PRIM2: variants seen among roughly 807,000 people sequenced by gnomAD.
PRIM2 encodes DNA primase large subunit.
In PRIM2, 39 loss-of-function variants were observed where a neutral mutation model predicts 67.3. That is an observed-to-expected ratio of 0.58 (90% confidence interval 0.45 to 0.76). The LOEUF is 0.76. Ranked by LOEUF, PRIM2 falls within the 30% of genes least tolerant of loss-of-function variation. The pLI is 0.00. For synonymous variants in PRIM2, 143 were observed against 198.7 expected (o/e 0.72, Z 2.36); for missense variants, 398 against 598.7 (o/e 0.66, Z 3.50).
chr6:57,310,642 C>T (rs1248331451), upstream of PRIM2, among the ~76,000 whole-genome samples: 1 of 151,654 alleles, frequency 6.6e-6, no homozygotes, highest in Admixed American at 6.6e-5. Context: ...GGGGTGGCGG[C>T]CGGGCAGAGG....
intron 10 of PRIM2, among the ~76,000 whole-genome samples, chr6:57,573,584 G>A: frequency 6.6e-6 from 1 of 152,004 alleles, no homozygotes; most frequent in Non-Finnish European, 1.5e-5. Flanking sequence ...ATAGCAGTAT[G>A]GTAATTTAAA....
intron 7 of PRIM2, among the ~76,000 whole-genome samples, chr6:57,394,932 T>A (rs1770472468): frequency 6.6e-6 from 1 of 152,204 alleles, no homozygotes; most frequent in African/African-American, 2.4e-5. Flanking sequence ...TGTGATTTTT[T>A]GTTTTTAATT....
chr6:57,502,681 C>G (rs1554346981), intron 7 of PRIM2, among the ~76,000 whole-genome samples: 2 of 152,106 alleles, frequency 1.3e-5, no homozygotes, highest in African/African-American at 2.4e-5. Flanking sequence ...TTCTGGCTTC[C>G]GGGCAGAGGC....
At chr6:57,583,713 A>G (rs1398167535) in intron 10 of PRIM2, among the ~76,000 whole-genome samples, 4 of 152,236 alleles carry the variant, frequency 2.6e-5, no homozygotes, top group African/African-American at 4.8e-5. Flanking sequence ...GCTGGGTCAA[A>G]TGGTATTTCT....
chr6:57,223,227 A>T, the PRIM2 span, among the ~76,000 whole-genome samples: 1 of 152,172 alleles, frequency 6.6e-6, no homozygotes, highest in Non-Finnish European at 1.5e-5. Flanking sequence ...ATTTCTATAA[A>T]CTACAAAAAC....
intron 7 of PRIM2, among the ~76,000 whole-genome samples, chr6:57,459,959 A>T (rs1163493801): frequency 1.2e-4 from 18 of 152,284 alleles, no homozygotes; most frequent in African/African-American, 4.3e-4. Context: ...GCAGCAGAAG[A>T]GGGTGTGAGG....
At chr6:57,542,635 A>G (rs1292752224) in intron 10 of PRIM2, among the ~76,000 whole-genome samples, 1 of 152,098 alleles carries the variant, frequency 6.6e-6, no homozygotes, top group Non-Finnish European at 1.5e-5. Flanking sequence ...GATAACATAT[A>G]GTCTATATTT....
chr6:57,245,724 A>T, the PRIM2 span, among the ~76,000 whole-genome samples: 1 of 152,208 alleles, frequency 6.6e-6, no homozygotes, highest in African/African-American at 2.4e-5. Context: ...ATAGCTCAGT[A>T]AGAACATAAT....
chr6:57,638,136 T>C (rs1352725397), intron 13 of PRIM2, among the ~76,000 whole-genome samples: 6 of 152,196 alleles, frequency 3.9e-5, no homozygotes, highest in African/African-American at 1.2e-4. Context: ...CAGAATTTCA[T>C]ATGCAGCCAA....
Position 57,548,391 on chromosome 6 carries a change from A to G in PRIM2, c.1020+10766A>G, listed in dbSNP as rs1775331709. On this transcript the variant is annotated intron_variant, in intron 10 of 13. Coordinates refer to ENST00000615550, the MANE Select transcript of PRIM2 (RefSeq NM_000947.5). ...GTCAGGAAGGAAAGAAATAGAGCAT[A>G]CTAGGTACAGAGGGTGACTGTGCCA... 2.6e-5 allele frequency among the ~76,000 whole-genome samples: 4 copies of G among 152,306 alleles called. No individual in the cohort carries two copies. The South Asian group carries it at 8.3e-4, about 32-fold the overall frequency.
the PRIM2 span, among the ~76,000 whole-genome samples, chr6:57,256,098 CT>C: frequency 1.3e-5 from 2 of 152,204 alleles, no homozygotes; most frequent in South Asian, 4.1e-4. Flanking sequence ...TACTGTCTTG[CT>C]TTATCCATCA....
the PRIM2 span, among the ~76,000 whole-genome samples, chr6:57,291,416 G>A: frequency 6.5e-4 from 99 of 152,098 alleles, no homozygotes; most frequent in Non-Finnish European, 3.2e-4. Flanking sequence ...TCTACCAGAG[G>A]TACAAAGAGG....
chr6:57,446,295 T>TTG (rs1772361800), intron 7 of PRIM2, among the ~76,000 whole-genome samples: 1 of 150,828 alleles, frequency 6.6e-6, no homozygotes, highest in Non-Finnish European at 1.5e-5. Flanking sequence ...TTTTGTTTTT[T>TTG]TTTTTTTTAG....
At chr6:57,228,885 C>T in the PRIM2 span, among the ~76,000 whole-genome samples, 13 of 152,050 alleles carry the variant, frequency 8.5e-5, no homozygotes, top group Non-Finnish European at 1.3e-4. Context: ...GAGTGTAAGC[C>T]CTCAAAAGAG....
In PRIM2 at chr6:57,408,999, A is replaced by AT. The variant is rs1333839366; in HGVS notation, c.693+26838dup. Among the ~76,000 whole-genome samples, 3 of 151,840 alleles carry AT rather than the reference A, an allele frequency of 2.0e-5. No homozygotes were observed. In the East Asian group the frequency reaches 5.8e-4, roughly 29 times the overall value. On this transcript the variant is annotated intron_variant, in intron 7 of 13. Transcript: ENST00000615550. ...TGGTAATTCATTCTTCTATTCTTTTATTTTTTTAATTTAAAACATTTTTTC... is the reference window on the plus strand; with the variant it reads ...TGGTAATTCATTCTTCTATTCTTTTATTTTTTTTAATTTAAAACATTTTTTC...
At chr6:57,509,055 G>C (rs1403939278) in intron 8 of PRIM2, among the ~76,000 whole-genome samples, 9 of 151,760 alleles carry the variant, frequency 5.9e-5, no homozygotes, top group Non-Finnish European at 1.0e-4. Flanking sequence ...TTTAGTTTTA[G>C]TTTTCTTTTT....
intron 13 of PRIM2, 41 bp downstream of exon 13, chr6:57,632,242 T>G: frequency 8.2e-7 from 1 of 1,220,000 alleles, no homozygotes; most frequent in Non-Finnish European, 1.1e-6. Context: ...TTATTTGTCT[T>G]TTGTTACTGT....
chr6:57,585,339 A>AGTAGT, intron 10 of PRIM2, among the ~76,000 whole-genome samples: 1 of 152,260 alleles, frequency 6.6e-6, no homozygotes, highest in East Asian at 1.9e-4. Flanking sequence ...TGTACATTAC[A>AGTAGT]GTAGTTAAAG....
At chr6:57,542,835 A>G (rs1405158080) in intron 10 of PRIM2, among the ~76,000 whole-genome samples, 18 of 151,828 alleles carry the variant, frequency 1.2e-4, no homozygotes, top group South Asian at 4.1e-4. Context: ...CTAAATTACA[A>G]TATTCTCTAA....
Sources: gnomAD v4.1 joint callset for allele counts (sites outside exome capture counted in the v4.1 genomes callset) on GRCh38, gnomAD v4.1.1 for gene constraint, MANE v1.5 for transcripts, NCBI Gene and HGNC (gene_info 2026-07-23, HGNC 2026-07-21) for gene names.